The following AMELY variants were observed in gnomAD, a reference collection of about 807,000 sequenced individuals.
AMELY encodes amelogenin, Y isoform.
A neutral mutation model predicts 4.2 loss-of-function variants in AMELY; 4 were observed. That is an observed-to-expected ratio of 0.96 (90% CI 0.47 to 2.19). The LOEUF (loss-of-function observed/expected upper bound fraction) is 2.19, where lower values mean the gene tolerates loss of function less well. AMELY is among the 30% of genes most tolerant of loss of function. The probability of loss-of-function intolerance (pLI) is 0.02; values close to 1 mark genes in which losing one functional copy is unlikely to be tolerated. For missense variants in AMELY, 32 were observed against 41.5 expected, an observed-to-expected ratio of 0.77 and a Z score of 0.63; for synonymous variants, 11 against 14.7, an observed-to-expected ratio of 0.75 and a Z score of 0.57.
At chrY:6,870,483 C>T (rs1569360974) in intron 3 of AMELY, among the ~76,000 whole-genome samples, 8 of 33,840 alleles carry the variant, frequency 2.4e-4, no homozygotes, top group African/African-American at 9.3e-4. Context: ...TTCTTTTACA[C>T]GGTAAAGAAA....
At chrY:6,874,124 A>G in intron 1 of AMELY, 53 bp from the exon 2 acceptor site, 1 of 33,063 alleles carries the variant, frequency 3.0e-5, no homozygotes, top group African/African-American at 1.2e-4. Flanking sequence ...TATGACTAAA[A>G]ATTCCTGTAT....
intron 1 of AMELY, among the ~76,000 whole-genome samples, chrY:6,893,203 T>G: frequency 3.0e-5 from 1 of 32,794 alleles, no homozygotes; most frequent in African/African-American, 1.2e-4. Flanking sequence ...GGTGACCTGG[T>G]GTTTGTTACA....
chrY:6,884,294 TG>T (rs1386762936), intron 1 of AMELY, among the ~76,000 whole-genome samples: 5 of 7,429 alleles, frequency 6.7e-4, no homozygotes, highest in African/African-American at 1.1e-3. Flanking sequence ...GCTGGGGGGC[TG>T]GGGGGGGATA....
intron 1 of AMELY, among the ~76,000 whole-genome samples, chrY:6,883,418 G>A: frequency 3.1e-5 from 1 of 31,891 alleles, no homozygotes; most frequent in Non-Finnish European, 7.6e-5. Context: ...ACAGGGAGGG[G>A]AACATCACAC....
intron 1 of AMELY, among the ~76,000 whole-genome samples, chrY:6,903,747 C>T (rs2011656539): frequency 3.0e-5 from 1 of 33,857 alleles, no homozygotes; most frequent in South Asian, 6.8e-4. Flanking sequence ...TAAGGCATTC[C>T]GTGAGTCCAC....
chrY:6,907,548 T>C (rs1603023553), intron 1 of AMELY, among the ~76,000 whole-genome samples: 1 of 31,860 alleles, frequency 3.1e-5, no homozygotes, highest in Non-Finnish European at 7.6e-5. Flanking sequence ...TTTTTTTTTT[T>C]GCATATGATG....
At chrY:6,887,903 G>A in intron 1 of AMELY, among the ~76,000 whole-genome samples, 1 of 33,364 alleles carries the variant, frequency 3.0e-5, no homozygotes, top group South Asian at 6.7e-4. Flanking sequence ...GTCTATTATT[G>A]TTGGGCATTT....
At chrY:6,905,690 G>A in intron 1 of AMELY, among the ~76,000 whole-genome samples, 1 of 30,467 alleles carries the variant, frequency 3.3e-5, no homozygotes, top group Non-Finnish European at 7.8e-5. Flanking sequence ...CGCCTCCCAG[G>A]TTCATGCCAT....
intron 1 of AMELY, among the ~76,000 whole-genome samples, chrY:6,906,385 CATACAT>C (rs2011663108): frequency 3.0e-5 from 1 of 33,461 alleles, no homozygotes; most frequent in African/African-American, 1.2e-4. Flanking sequence ...CATATATACA[CATACAT>C]ATACATACAA....
At chrY:6,904,633 GC>G (rs2011658014) in intron 1 of AMELY, among the ~76,000 whole-genome samples, 1 of 33,329 alleles carries the variant, frequency 3.0e-5, no homozygotes, top group Non-Finnish European at 7.4e-5. Flanking sequence ...AGACAGGGTG[GC>G]AGGGGTGGAG....
chrY:6,874,854 GC>G (rs2054070991), intron 1 of AMELY, among the ~76,000 whole-genome samples: 1 of 33,611 alleles, frequency 3.0e-5, no homozygotes, highest in Non-Finnish European at 7.4e-5. Flanking sequence ...TTAAACGCAT[GC>G]TTTTTTATAA....
chrY:6,883,859 C>G (rs2054076884), intron 1 of AMELY, among the ~76,000 whole-genome samples: 2 of 32,258 alleles, frequency 6.2e-5, no homozygotes, highest in Non-Finnish European at 1.5e-4. Flanking sequence ...AGTTCTTACA[C>G]TGGGCCACTG....
chrY:6,872,387 G>A (rs1603021593), intron 3 of AMELY, among the ~76,000 whole-genome samples, 168 bp downstream of exon 3: 1 of 33,579 alleles, frequency 3.0e-5, no homozygotes, highest in East Asian at 7.8e-4. Context: ...AATAAGCTAG[G>A]AAGAGATAAT....
At chrY:6,905,460 C>CTCTT in intron 1 of AMELY, among the ~76,000 whole-genome samples, 90 of 31,201 alleles carry the variant, frequency 2.9e-3, no homozygotes, top group South Asian at 8.5e-3. Context: ...TTCTTTCTTT[C>CTCTT]TCTTTCTTTC....
intron 1 of AMELY, among the ~76,000 whole-genome samples, chrY:6,884,094 C>G: frequency 3.1e-5 from 1 of 32,416 alleles, no homozygotes; most frequent in Admixed American, 2.9e-4. Flanking sequence ...CACATATACA[C>G]CATGGAATAC....
chrY:6,907,799 A>C (rs2011668979), intron 1 of AMELY, among the ~76,000 whole-genome samples: 1 of 32,484 alleles, frequency 3.1e-5, no homozygotes, highest in African/African-American at 1.2e-4. Flanking sequence ...CTGAGGTAGG[A>C]GGCTGTAGTG....
At chrY:6,877,422 G>T in intron 1 of AMELY, among the ~76,000 whole-genome samples, 2 of 32,649 alleles carry the variant, frequency 6.1e-5, no homozygotes, top group Admixed American at 5.6e-4. Context: ...CTTCTGCCAG[G>T]GTCTGTAGTC....
intron 1 of AMELY, among the ~76,000 whole-genome samples, chrY:6,893,530 G>C: frequency 3.0e-5 from 1 of 32,973 alleles, no homozygotes; most frequent in Non-Finnish European, 7.4e-5. Context: ...ACCCTACGTG[G>C]AAGGCAGGAA....
At chrY:6,879,599 T>C (rs2054073879) in intron 1 of AMELY, among the ~76,000 whole-genome samples, 3 of 33,805 alleles carry the variant, frequency 8.9e-5, no homozygotes, top group Admixed American at 2.7e-4. Flanking sequence ...ATGAAGTCCT[T>C]GCCCATGCCT....
Sources: allele counts gnomAD v4.1 joint callset (sites outside exome capture counted in the v4.1 genomes callset), GRCh38; gene constraint gnomAD v4.1.1; transcripts MANE v1.5; gene names NCBI Gene and HGNC (gene_info 2026-07-23, HGNC 2026-07-21).